The following MYT1L variants were observed in gnomAD, a reference collection of about 807,000 sequenced individuals.
MYT1L encodes the protein myelin transcription factor 1-like protein.
In MYT1L, 12 loss-of-function variants were observed where a neutral mutation model predicts 126.7. The observed-to-expected ratio is 0.09, with a 90% CI of 0.06 to 0.15. The LOEUF (loss-of-function observed/expected upper bound fraction) is 0.15. Among genes scored for constraint, MYT1L ranks in the 10% least tolerant of loss-of-function variants. The pLI, the probability that MYT1L is intolerant of heterozygous loss-of-function variation, is 1.00. For synonymous variants in MYT1L, 541 were observed against 604.2 expected (o/e 0.90, Z 1.53); for missense variants, 979 against 1,585.2 (o/e 0.62, Z 6.49).
chr2:2,242,468 T>C (rs2094458011), intron 2 of MYT1L, among the ~76,000 whole-genome samples: 1 of 152,342 alleles, frequency 6.6e-6, no homozygotes, highest in East Asian at 1.9e-4. Context: ...TCTTTTCTCC[T>C]TCATCTTTTA....
intron 4 of MYT1L, among the ~76,000 whole-genome samples, chr2:2,032,644 G>A (rs1222018017): frequency 7.5e-6 from 1 of 134,082 alleles, no homozygotes; most frequent in Non-Finnish European, 1.6e-5. Context: ...GTGGCCCAGA[G>A]CAGATTCTAG....
Position 2,317,356 on chromosome 2 carries a change from T to C in MYT1L, c.-521+13611A>G, listed in dbSNP as rs1038802373. Among the ~76,000 whole-genome samples, 11 of 152,238 alleles carry C rather than the reference T, an allele frequency of 7.2e-5. No homozygotes were observed. The South Asian group carries it at 1.7e-3, about 23-fold the overall frequency. On this transcript the variant is annotated intron_variant, in intron 1 of 24. Transcript: ENST00000647738. ...CAGCTACTGTTACACAGTAATGCCTTTGAGATTGCTGTCCATGTGAAGATG... is the reference window on the plus strand; with the variant it reads ...CAGCTACTGTTACACAGTAATGCCTCTGAGATTGCTGTCCATGTGAAGATG...
intron 3 of MYT1L, among the ~76,000 whole-genome samples, chr2:2,100,042 T>C (rs1413894698): frequency 1.3e-5 from 2 of 152,216 alleles, no homozygotes; most frequent in African/African-American, 2.4e-5. Context: ...CTGTGTGTGG[T>C]TGCATTTATG....
chr2:1,936,289 C>T (rs950301568), intron 9 of MYT1L, among the ~76,000 whole-genome samples: 3 of 152,080 alleles, frequency 2.0e-5, no homozygotes, highest in Non-Finnish European at 1.5e-5. Flanking sequence ...TATCAAAGTA[C>T]CTGAAGGTTT....
chr2:2,017,924 T>TA (rs2064604489), intron 4 of MYT1L, among the ~76,000 whole-genome samples: 1 of 152,226 alleles, frequency 6.6e-6, no homozygotes, highest in African/African-American at 2.4e-5. Flanking sequence ...CTGTTTCACC[T>TA]AAAAGTATTA....
At position 2,278,189 on chromosome 2, in the gene MYT1L, G is replaced by T. The variant is rs59841949; in HGVS notation, c.-421+6215C>A. Reference sequence around the variant, plus strand: ...CACTAATGGGTGGCCTACATGTGTTGTGTATATGTAACGTGTGACACACAG... The same window carrying T: ...CACTAATGGGTGGCCTACATGTGTTTTGTATATGTAACGTGTGACACACAG... On this transcript the variant is annotated intron_variant, in intron 2 of 24. Coordinates refer to ENST00000647738, the MANE Select transcript of MYT1L (RefSeq NM_001303052.2). Among the ~76,000 whole-genome samples the T allele has an allele frequency of 4.4e-3, 675 of 152,334 alleles. 2 individuals carry two copies. Among genetic ancestry groups the T allele is most frequent in the African/African-American group, 0.015 (642 of 41,572 alleles).
At chr2:2,276,892 A>G (rs2095368388) in intron 2 of MYT1L, among the ~76,000 whole-genome samples, 1 of 152,190 alleles carries the variant, frequency 6.6e-6, no homozygotes, top group Non-Finnish European at 1.5e-5. Flanking sequence ...TCCTGTCCCC[A>G]GAGCCCATGG....
intron 3 of MYT1L, among the ~76,000 whole-genome samples, chr2:2,058,939 T>C (rs1324328817): frequency 6.6e-6 from 1 of 152,178 alleles, no homozygotes; most frequent in Non-Finnish European, 1.5e-5. Context: ...AAAGAAAGTG[T>C]TCATTCATAT....
intron 4 of MYT1L, among the ~76,000 whole-genome samples, chr2:1,997,719 G>A (rs2061991482): frequency 1.3e-5 from 2 of 152,180 alleles, no homozygotes; most frequent in African/African-American, 2.4e-5. Flanking sequence ...CAGACTCGGG[G>A]TAGACTCAGC....
chr2:2,304,055 G>A (rs1459083845), intron 1 of MYT1L: 1 of 152,106 alleles, frequency 6.6e-6, no homozygotes, highest in African/African-American at 2.4e-5. Context: ...GGATTATGTG[G>A]AAACAAGAAA....
chr2:1,812,866 A>G (rs746102874), intron 21 of MYT1L, among the ~76,000 whole-genome samples: 2 of 122,104 alleles, frequency 1.6e-5, no homozygotes, highest in Non-Finnish European at 3.2e-5. Flanking sequence ...ACAGAGCAGG[A>G]CTCCGTCTCA....
chr2:1,831,838 T>A (rs2040231992), intron 21 of MYT1L, among the ~76,000 whole-genome samples: 1 of 152,128 alleles, frequency 6.6e-6, no homozygotes, highest in African/African-American at 2.4e-5. Context: ...GTGTCTTTGC[T>A]GATGCTCTTC....
At chr2:1,905,733 A>C (rs961525915) in intron 13 of MYT1L, among the ~76,000 whole-genome samples, 2 of 152,224 alleles carry the variant, frequency 1.3e-5, no homozygotes, top group African/African-American at 4.8e-5. Context: ...CTGTACCTCT[A>C]GCACAAATGT....
intron 5 of MYT1L, among the ~76,000 whole-genome samples, chr2:1,991,514 G>A (rs10209611): frequency 0.065 from 9,850 of 152,006 alleles, 588 homozygotes; most frequent in African/African-American, 0.17. Context: ...TCCTGGCCTC[G>A]AGTGATCCTC....
intron 2 of MYT1L, among the ~76,000 whole-genome samples, chr2:2,214,079 C>A (rs1281819196): frequency 6.6e-6 from 1 of 151,584 alleles, no homozygotes; most frequent in East Asian, 1.9e-4. Flanking sequence ...ACATATTAGA[C>A]CTTGCAGAAA....
At chr2:2,149,051 T>C (rs1278066237) in intron 3 of MYT1L, among the ~76,000 whole-genome samples, 1 of 152,148 alleles carries the variant, frequency 6.6e-6, no homozygotes, top group Non-Finnish European at 1.5e-5. Flanking sequence ...ATAGACAATA[T>C]TGCTCTTAGT....
chr2:1,885,847 C>T (rs941208198), intron 18 of MYT1L, among the ~76,000 whole-genome samples: 1 of 152,200 alleles, frequency 6.6e-6, no homozygotes, highest in Non-Finnish European at 1.5e-5. Flanking sequence ...GTGACTTCTA[C>T]CCACTTCTTC....
At chr2:2,312,749 C>A (rs1360002696) in intron 1 of MYT1L, among the ~76,000 whole-genome samples, 1 of 152,216 alleles carries the variant, frequency 6.6e-6, no homozygotes, top group Admixed American at 6.5e-5. Flanking sequence ...CGGCATTAGG[C>A]TAACCAAGGA....
chr2:1,937,432 C>T (rs1421296729), intron 9 of MYT1L, among the ~76,000 whole-genome samples: 2 of 151,422 alleles, frequency 1.3e-5, no homozygotes, highest in African/African-American at 4.9e-5. Flanking sequence ...GCCATCAGAT[C>T]GTACATCGAG....
Sources: allele counts gnomAD v4.1 joint callset (sites outside exome capture counted in the v4.1 genomes callset), GRCh38; gene constraint gnomAD v4.1.1; transcripts MANE v1.5; gene names NCBI Gene and HGNC (gene_info 2026-07-23, HGNC 2026-07-21).